Variants in EPHA6 observed in about 807,000 individuals in gnomAD.
EPHA6 encodes the protein EPH receptor A6, also known as ephrin type-A receptor 6.
Under a neutral mutation model 112.0 loss-of-function variants are expected in EPHA6, and 50 were observed. That is an observed-to-expected ratio of 0.45 (90% CI 0.36 to 0.56). The LOEUF is 0.56. Ranked by LOEUF, EPHA6 falls within the 20% of genes least tolerant of loss-of-function variation. The probability of loss-of-function intolerance (pLI) is 0.00; values close to 1 mark genes in which losing one functional copy is unlikely to be tolerated. For synonymous variants in EPHA6, 529 were observed against 490.7 expected (o/e 1.08, Z -1.03); for missense variants, 1,280 against 1,417.4 (o/e 0.90, Z 1.56).
intron 3 of EPHA6, among the ~76,000 whole-genome samples, chr3:97,166,571 G>T (rs781032864): frequency 6.6e-6 from 1 of 152,042 alleles, no homozygotes; most frequent in Non-Finnish European, 1.5e-5. Context: ...ATATTTTAGC[G>T]TTTTTGAAGA....
chr3:97,067,633 C>G (rs868506577), intron 3 of EPHA6, among the ~76,000 whole-genome samples: 30 of 151,988 alleles, frequency 2.0e-4, no homozygotes, highest in African/African-American at 6.8e-4. Flanking sequence ...GTGGCATAAG[C>G]AAACTCAGAG....
chr3:97,120,045 T>C (rs1287992201), intron 3 of EPHA6, among the ~76,000 whole-genome samples: 4 of 152,012 alleles, frequency 2.6e-5, no homozygotes, highest in African/African-American at 9.7e-5. Context: ...GAATATAGTT[T>C]GTGTGAGAAA....
intron 3 of EPHA6, among the ~76,000 whole-genome samples, chr3:97,108,317 A>G (rs915773391): frequency 6.6e-6 from 1 of 152,206 alleles, no homozygotes; most frequent in African/African-American, 2.4e-5. Flanking sequence ...AAATCAATCA[A>G]TGGATGCCAA....
At position 97,250,655 on chromosome 3, in the gene EPHA6, A is replaced by G. The variant is rs2079109221; in HGVS notation, c.1606+6368A>G. 3.3e-5 allele frequency among the ~76,000 whole-genome samples: 5 copies of G among 152,306 alleles called. No individual in the cohort carries two copies. The South Asian group carries it at 8.3e-4, about 25-fold the overall frequency. ...ATCACATCCTACATAATCTATAGCT[A>G]TCATATGATATAAGGCTCTACTTTA... On this transcript the variant is annotated intron_variant, in intron 5 of 17. Coordinates refer to ENST00000389672, the MANE Select transcript of EPHA6 (RefSeq NM_001080448.3).
chr3:96,877,933 T>G (rs35975254), intron 2 of EPHA6, among the ~76,000 whole-genome samples: 2 of 121,362 alleles, frequency 1.6e-5, no homozygotes, highest in Non-Finnish European at 3.1e-5. Flanking sequence ...ATATATATTT[T>G]TTTTTTTTCC....
At chr3:97,639,964 T>A (rs2093986260) in intron 14 of EPHA6, among the ~76,000 whole-genome samples, 1 of 146,998 alleles carries the variant, frequency 6.8e-6, no homozygotes, top group Non-Finnish European at 1.5e-5. Flanking sequence ...TTTTTTTTTT[T>A]AAGTCTCAGA....
rs149638480 is a variant in EPHA6, at chr3:97,696,585, C to G, written c.2785-23676C>G. Among the ~76,000 whole-genome samples the G allele has an allele frequency of 2.6e-5, 4 of 152,200 alleles. No individual in the cohort carries two copies. The East Asian group carries it at 7.7e-4, about 29-fold the overall frequency. ...TTTGAAGAAAACCTCTAAGCTGGCCCCACCTCATAAGAACCATATCTGATT... is the reference window on the plus strand; with the variant it reads ...TTTGAAGAAAACCTCTAAGCTGGCCGCACCTCATAAGAACCATATCTGATT... On this transcript the variant is annotated intron_variant, in intron 14 of 17. Transcript: ENST00000389672.
intron 14 of EPHA6, among the ~76,000 whole-genome samples, chr3:97,688,903 C>T (rs1009337111): frequency 1.3e-5 from 2 of 152,026 alleles, no homozygotes; most frequent in Non-Finnish European, 2.9e-5. Context: ...ACCCCCAATC[C>T]TTTTAAATAT....
intron 5 of EPHA6, among the ~76,000 whole-genome samples, chr3:97,345,112 T>C (rs2083474626): frequency 6.6e-6 from 1 of 152,064 alleles, no homozygotes; most frequent in Admixed American, 6.6e-5. Flanking sequence ...ACATACGTAC[T>C]ATTAGTAAAT....
intron 11 of EPHA6, among the ~76,000 whole-genome samples, chr3:97,578,081 A>T (rs2093404204): frequency 6.6e-6 from 1 of 152,176 alleles, no homozygotes; most frequent in Admixed American, 6.5e-5. Context: ...TCATCAGAGG[A>T]TATTGACACA....
intron 11 of EPHA6, among the ~76,000 whole-genome samples, chr3:97,589,861 G>T (rs1361766607): frequency 6.6e-6 from 1 of 152,232 alleles, no homozygotes; most frequent in South Asian, 2.1e-4. Flanking sequence ...ACACATTTTA[G>T]ATTTCATTTA....
At chr3:97,119,598 G>T (rs13434261) in intron 3 of EPHA6, among the ~76,000 whole-genome samples, 19,102 of 151,954 alleles carry the variant, frequency 0.13, 1,323 homozygotes, top group Non-Finnish European at 0.16. Context: ...AAAAGAAATG[G>T]AATTGGAGAA....
rs537001897 is a variant in EPHA6 at position 97,592,500 on chromosome 3, C to A, written c.2387-112C>A. The A allele has an allele frequency of 4.7e-5, 60 of 1,279,210 alleles. 1 individual carries two copies. The South Asian group carries it at 7.8e-4, about 17-fold the overall frequency. 79.2% of individuals were successfully genotyped at this position (1,279,210 alleles called of 1,614,324 possible). ...GCATTCCATCCCTTTAATTTTATAA[C>A]TTCTTCGTAAAATTTGATGTCTTTG... On this transcript the variant is annotated intron_variant, in intron 11 of 17. Transcript: ENST00000389672.
chr3:96,836,635 C>G (rs541476743), intron 1 of EPHA6, among the ~76,000 whole-genome samples: 1 of 152,244 alleles, frequency 6.6e-6, no homozygotes, highest in African/African-American at 2.4e-5. Context: ...AACTGTGATT[C>G]ATGTTGGCAT....
chr3:97,083,935 A>T (rs2046803976), intron 3 of EPHA6, among the ~76,000 whole-genome samples: 2 of 151,504 alleles, frequency 1.3e-5, no homozygotes, highest in African/African-American at 2.4e-5. Context: ...AGCTAGAAAG[A>T]TGTCCATGAT....
intron 14 of EPHA6, among the ~76,000 whole-genome samples, chr3:97,669,667 C>A (rs551673456): frequency 6.6e-6 from 1 of 151,848 alleles, no homozygotes; most frequent in South Asian, 2.1e-4. Flanking sequence ...ACAGACACCC[C>A]CCACTCCATG....
chr3:97,034,992 C>A (rs2045030659), intron 3 of EPHA6, among the ~76,000 whole-genome samples: 1 of 151,946 alleles, frequency 6.6e-6, no homozygotes, highest in Admixed American at 6.6e-5. Flanking sequence ...CCAGAATATT[C>A]TGCCAAACTT....
intron 5 of EPHA6, among the ~76,000 whole-genome samples, chr3:97,270,658 G>A (rs1042995208): frequency 6.6e-6 from 1 of 152,172 alleles, no homozygotes; most frequent in African/African-American, 2.4e-5. Flanking sequence ...GTCATAACCA[G>A]TCAGAAGTGC....
At chr3:97,352,643 C>T (rs139797886) in intron 5 of EPHA6, among the ~76,000 whole-genome samples, 2 of 152,272 alleles carry the variant, frequency 1.3e-5, no homozygotes, top group East Asian at 3.9e-4. Flanking sequence ...GCAGTCAGAA[C>T]CTGAGTTCCA....
Sources: allele counts gnomAD v4.1 joint callset (sites outside exome capture counted in the v4.1 genomes callset), GRCh38; gene constraint gnomAD v4.1.1; transcripts MANE v1.5; gene names NCBI Gene and HGNC (gene_info 2026-07-23, HGNC 2026-07-21).